The following PPFIA3 variants were observed in gnomAD, a reference collection of about 807,000 sequenced individuals.
The protein encoded by PPFIA3 is PPFI scaffold protein A3.
PPFIA3 carries 26 observed loss-of-function variants against 145.8 expected under a neutral mutation model. That is an observed-to-expected ratio of 0.18 (90% CI 0.13 to 0.25). The LOEUF is 0.25. Ranked by LOEUF, PPFIA3 falls within the 10% of genes least tolerant of loss-of-function variation. The pLI, the probability that PPFIA3 is intolerant of heterozygous loss-of-function variation, is 1.00. For missense variants in PPFIA3, 1,008 were observed against 1,587.8 expected, an observed-to-expected ratio of 0.63 and a Z score of 6.21; for synonymous variants, 645 against 661.4, an observed-to-expected ratio of 0.98 and a Z score of 0.38.
At chr19:49,137,989 C>G (rs1265820848) in intron 15 of PPFIA3, among the ~76,000 whole-genome samples, 1 of 152,126 alleles carries the variant, frequency 6.6e-6, no homozygotes, top group African/African-American at 2.4e-5. Flanking sequence ...CTTGATAGCC[C>G]TAATCCTGCA....
intron 19 of PPFIA3, 66 bp downstream of exon 19, chr19:49,141,579 T>TATGC: frequency 9.2e-7 from 1 of 1,081,452 alleles, no homozygotes; most frequent in East Asian, 2.5e-5. Context: ...AGGGTGTGTG[T>TATGC]GTGCGTGTAT....
At chr19:49,141,138 A>G (rs144998952) in intron 18 of PPFIA3, among the ~76,000 whole-genome samples, 14 of 152,236 alleles carry the variant, frequency 9.2e-5, no homozygotes, top group Non-Finnish European at 4.4e-5. Context: ...GGCAAATGCT[A>G]CAAATCAGGG....
Position 49,135,931 on chromosome 19 carries a change from G to C in PPFIA3, c.1665+8G>C, listed in dbSNP as rs778011113. On this transcript the variant is annotated splice_region_variant and intron_variant, in intron 14 of 29. Transcript: ENST00000334186. ...AAGGAGGAGCCCTCCAAGGTCAGCA[G>C]CTGCCTCTGGGTCCTGGACTGAGCA... 1 of 1,606,686 alleles carries C rather than the reference G, an allele frequency of 6.2e-7. No individual in the cohort carries two copies. Among genetic ancestry groups the C allele is most frequent in the Non-Finnish European group, 8.5e-7 (1 of 1,176,776 alleles).
At chr19:49,136,451 T>G (rs1600338489) in intron 14 of PPFIA3, among the ~76,000 whole-genome samples, 1 of 152,036 alleles carries the variant, frequency 6.6e-6, no homozygotes, top group African/African-American at 2.4e-5. Flanking sequence ...TAGCCGGGCG[T>G]GGTAGCGGGC....
chr19:49,145,021 C>A (rs1359916109), intron 21 of PPFIA3, among the ~76,000 whole-genome samples: 1 of 150,906 alleles, frequency 6.6e-6, no homozygotes, highest in Non-Finnish European at 1.5e-5. Flanking sequence ...ACCTCCGTCT[C>A]CCTGGTTCAA....
chr19:49,139,786 C>A lies in PPFIA3; in HGVS notation c.2195C>A (p.Ala732Glu). The A allele has an allele frequency of 6.2e-7, 1 of 1,613,330 alleles. No individual in the cohort carries two copies. The change falls in exon 17 of 30, where the codon GCA becomes GAA. Residue 732 changes from alanine to glutamate, a missense_variant. Transcript: ENST00000334186. ...ARLERMTQAL[A>E]LQAGSLEDGG... ...CTTGAGAGAATGACCCAGGCCTTGGCACTGCAGGCGGGGTCCCTGGAAGAT... is the reference window on the plus strand; with the variant it reads ...CTTGAGAGAATGACCCAGGCCTTGGAACTGCAGGCGGGGTCCCTGGAAGAT...
At chr19:49,147,934 T>C in intron 23 of PPFIA3, 149 bp from the exon 24 acceptor site, 1 of 739,688 alleles carries the variant, frequency 1.4e-6, no homozygotes, top group Non-Finnish European at 2.2e-6. Flanking sequence ...CAACTCTGGA[T>C]TGGTCCATTA....
chr19:49,136,353 T>G (rs2041137032), intron 14 of PPFIA3, among the ~76,000 whole-genome samples: 2 of 152,162 alleles, frequency 1.3e-5, no homozygotes, highest in Admixed American at 1.3e-4. Context: ...TCCCAACACT[T>G]GCTGGCGCCG....
chr19:49,132,195 C>T (rs564742656), intron 7 of PPFIA3, among the ~76,000 whole-genome samples: 2 of 151,550 alleles, frequency 1.3e-5, no homozygotes, highest in East Asian at 1.9e-4. Context: ...CAAGACTAGC[C>T]TGGCCAACAT....
At chr19:49,129,133 C>G (rs1304019788) in intron 4 of PPFIA3, 121 bp downstream of exon 4, 1 of 1,161,360 alleles carries the variant, frequency 8.6e-7, no homozygotes, top group East Asian at 2.5e-5. Context: ...AGAATGTTGA[C>G]TGTGATTGAT....
intron 21 of PPFIA3, among the ~76,000 whole-genome samples, chr19:49,144,856 CT>C (rs1481937786): frequency 1.3e-5 from 2 of 151,990 alleles, no homozygotes; most frequent in Non-Finnish European, 2.9e-5. Context: ...CTTTTTCTTC[CT>C]TGTAAACACC....
In PPFIA3 at chr19:49,135,873, C is replaced by T. The variant is rs763865659; in HGVS notation, c.1615C>T (p.Arg539Trp). ...GGATCCCTATGTGGCTGGCAGTGGT[C>T]GGGCAGGCAAGAGGGGCCGCTGGTC... ...HLDPYVAGSG[R>W]AGKRGRWSGV... The change falls in exon 14 of 30, where the codon CGG becomes TGG. Residue 539 changes from arginine (R) to tryptophan (W), a missense_variant. This residue lies in a region of PPFIA3 where 121 missense variants were observed against 138.2 expected (regional missense o/e 0.88). Coordinates refer to ENST00000334186, the MANE Select transcript of PPFIA3 (RefSeq NM_003660.4). 4.3e-6 allele frequency: 7 copies of T among 1,613,524 alleles called. No individual in the cohort carries two copies. The highest frequency in any genetic ancestry group is 1.3e-5 in the African/African-American group (1 of 74,900).
chr19:49,149,657 T>C lies in PPFIA3; in HGVS notation c.3465T>C (p.Arg1155=). 1 of 1,614,120 alleles carries C rather than the reference T, an allele frequency of 6.2e-7. No individual in the cohort carries two copies. The highest frequency in any genetic ancestry group is 8.5e-7 in the Non-Finnish European group (1 of 1,180,014). Residue 1155 remains arginine, a synonymous_variant, in exon 28 of 30, where the codon CGT becomes CGC. Coordinates refer to ENST00000334186, the MANE Select transcript of PPFIA3 (RefSeq NM_003660.4). The surrounding 1 kb of genome is among the most constrained non-coding windows in gnomAD (Gnocchi z 5.7). The stretch of plus-strand genomic sequence containing the variant: ...CTGAGATGTTGCCCCCCAACTTTCG[T>C]TCGGCTGCAGCGGGAGCCCTGGGCT... The part of the protein sequence containing the change: ...DSAEMLPPNF[R]SAAAGALGSP...
chr19:49,141,965 G>A lies in PPFIA3; in HGVS notation c.2463-69G>A, dbSNP rs138585626. 5.3e-4 allele frequency: 668 copies of A among 1,249,642 alleles called. 5 individuals carry two copies. The African/African-American group carries it at 9.0e-3, about 17-fold the overall frequency. 77.4% of individuals were successfully genotyped at this position (1,249,642 alleles called of 1,614,324 possible). A position where few individuals can be genotyped will look rare whatever the true frequency, so the allele number is the denominator to read the frequency against. On this transcript the variant is annotated intron_variant, in intron 19 of 29. Coordinates refer to ENST00000334186, the MANE Select transcript of PPFIA3 (RefSeq NM_003660.4). ...TGTGTGTGTGTGTATGTGTGCTGAT[G>A]GGGGCCATCCACAGAGCAGGGGGTC...
chr19:49,134,617 C>T (rs2041115287), intron 11 of PPFIA3, 22 bp from the exon 12 acceptor site: 1 of 1,612,136 alleles, frequency 6.2e-7, no homozygotes, highest in Non-Finnish European at 8.5e-7. Context: ...CTCACTCCCT[C>T]ACTTCACCTC....
At chr19:49,134,560 T>G in intron 11 of PPFIA3, 79 bp from the exon 12 acceptor site, 1 of 1,329,694 alleles carries the variant, frequency 7.5e-7, no homozygotes, top group Non-Finnish European at 1.1e-6. Flanking sequence ...GGCCTGTCTG[T>G]GTGCACTGGG....
chr19:49,132,581 A>G (rs535459399), intron 7 of PPFIA3, among the ~76,000 whole-genome samples: 4 of 152,028 alleles, frequency 2.6e-5, no homozygotes, highest in Admixed American at 6.6e-5. Context: ...GTACCCTGGT[A>G]GCTCTTGAGA....
chr19:49,150,242 T>C lies in PPFIA3; in HGVS notation c.*20T>C. On this transcript the variant is annotated 3_prime_UTR_variant, in exon 30 of 30. Transcript: ENST00000334186. ...GCTGCCCGGCGTCATGCAGGTGACC[T>C]CACTCGGACGGAAGAATCTTCCCGA... 1 of 1,165,986 alleles carries C rather than the reference T, an allele frequency of 8.6e-7. No individual in the cohort carries two copies. Among genetic ancestry groups the C allele is most frequent in the Non-Finnish European group, 1.2e-6 (1 of 822,684 alleles). The allele number at this position is 1,165,986 out of a possible 1,614,324, so 72.2% of individuals were successfully genotyped here.
intron 23 of PPFIA3, 99 bp from the exon 24 acceptor site, chr19:49,147,984 G>GA: frequency 7.6e-7 from 1 of 1,313,426 alleles, no homozygotes; most frequent in South Asian, 1.4e-5. Context: ...CATGGGGTGG[G>GA]AAAAAACCTT....
Sources: gnomAD v4.1 joint callset for allele counts (sites outside exome capture counted in the v4.1 genomes callset) on GRCh38, gnomAD v4.1.1 for gene constraint, gnomAD v4.1.1 regional missense constraint, Gnocchi (gnomAD v3.1) non-coding constraint, MANE v1.5 for transcripts, NCBI Gene and HGNC (gene_info 2026-07-23, HGNC 2026-07-21) for gene names.